The following FHIP1A variants were observed in gnomAD, a reference collection of about 807,000 sequenced individuals.
FHIP1A encodes the protein FHF complex subunit HOOK interacting protein 1A.
Under a neutral mutation model 88.6 loss-of-function variants are expected in FHIP1A, and 61 were observed. The ratio of observed to expected loss-of-function variants is 0.69; its 90% confidence interval spans 0.56 to 0.85. The LOEUF (loss-of-function observed/expected upper bound fraction) is 0.85, where lower values mean the gene tolerates loss of function less well. Among genes scored for constraint, FHIP1A ranks in the 40% least tolerant of loss-of-function variants. The probability of loss-of-function intolerance (pLI) is 0.00; values close to 1 mark genes in which losing one functional copy is unlikely to be tolerated. For synonymous variants in FHIP1A, 478 were observed against 496.0 expected (o/e 0.96, Z 0.48); for missense variants, 1,154 against 1,273.5 (o/e 0.91, Z 1.43).
chr4:151,470,385 C>G (rs1478635319), intron 2 of FHIP1A, among the ~76,000 whole-genome samples: 1 of 152,196 alleles, frequency 6.6e-6, no homozygotes, highest in African/African-American at 2.4e-5. Context: ...AATATTCGTG[C>G]TTAGAAAACT....
intron 3 of FHIP1A, among the ~76,000 whole-genome samples, chr4:151,546,874 T>G (rs1006916867): frequency 6.6e-6 from 1 of 152,216 alleles, no homozygotes; most frequent in Non-Finnish European, 1.5e-5. Context: ...TCTTGTTTCT[T>G]CAGGTGGGCT....
At chr4:151,580,784 CAT>C (rs1261185618) in intron 5 of FHIP1A, among the ~76,000 whole-genome samples, 3 of 152,034 alleles carry the variant, frequency 2.0e-5, no homozygotes, top group South Asian at 2.1e-4. Flanking sequence ...GTGTATGAAT[CAT>C]GTGTATTATC....
At chr4:151,463,930 A>T (rs1232077481) in intron 2 of FHIP1A, among the ~76,000 whole-genome samples, 1 of 152,202 alleles carries the variant, frequency 6.6e-6, no homozygotes, top group African/African-American at 2.4e-5. Context: ...AAGCTCCTAT[A>T]TATGATATCC....
intron 3 of FHIP1A, among the ~76,000 whole-genome samples, chr4:151,526,844 A>G (rs1731680174): frequency 6.9e-6 from 1 of 144,782 alleles, no homozygotes. Context: ...CTCACCTCTC[A>G]GATGGGGCGG....
At chr4:151,534,754 A>G (rs1722279884) in intron 3 of FHIP1A, 1 of 152,220 alleles carries the variant, frequency 6.6e-6, no homozygotes, top group South Asian at 2.1e-4. Context: ...AGCATTAGTG[A>G]GCATGGAGAA....
intron 2 of FHIP1A, among the ~76,000 whole-genome samples, chr4:151,467,699 A>G (rs753018276): frequency 3.3e-5 from 5 of 152,134 alleles, no homozygotes; most frequent in African/African-American, 4.8e-5. Context: ...TGAAGCTGGA[A>G]GCCATCATCC....
At chr4:151,415,061 T>G (rs916607130) in intron 1 of FHIP1A, among the ~76,000 whole-genome samples, 5 of 152,206 alleles carry the variant, frequency 3.3e-5, no homozygotes, top group Admixed American at 1.3e-4. Context: ...TTCAACTTGG[T>G]TTTTATTTTT....
chr4:151,505,547 TGC>T (rs537083828), intron 3 of FHIP1A, among the ~76,000 whole-genome samples: 2 of 152,370 alleles, frequency 1.3e-5, no homozygotes, highest in African/African-American at 4.8e-5. Context: ...GACAGCAATC[TGC>T]CACTCAGATG....
chr4:151,587,156 G>T (rs1734249314), intron 6 of FHIP1A, among the ~76,000 whole-genome samples: 1 of 152,062 alleles, frequency 6.6e-6, no homozygotes, highest in Non-Finnish European at 1.5e-5. Flanking sequence ...GTCTTCTTGG[G>T]AATTTACAAA....
intron 3 of FHIP1A, among the ~76,000 whole-genome samples, chr4:151,558,485 A>T (rs993455979): frequency 1.3e-4 from 20 of 152,156 alleles, no homozygotes; most frequent in Non-Finnish European, 5.9e-5. Flanking sequence ...CAGTGAACCG[A>T]GATGCGTCAC....
intron 3 of FHIP1A, among the ~76,000 whole-genome samples, chr4:151,506,624 TAA>T (rs1730846981): frequency 6.6e-6 from 1 of 152,110 alleles, no homozygotes. Flanking sequence ...GGGCTTTTTT[TAA>T]CAGTCAGTTC....
chr4:151,504,609 C>T (rs62327236), intron 3 of FHIP1A, among the ~76,000 whole-genome samples: 18,585 of 56,394 alleles, frequency 0.33, 1,250 homozygotes, highest in African/African-American at 0.48. Flanking sequence ...TATGTTATGT[C>T]ATGTTATGTT....
At chr4:151,607,187 C>T (rs1304627828) in intron 7 of FHIP1A, among the ~76,000 whole-genome samples, 2 of 152,160 alleles carry the variant, frequency 1.3e-5, no homozygotes, top group Non-Finnish European at 2.9e-5. Context: ...GGAGCCCAAG[C>T]AATCATTCTG....
chr4:151,424,807 T>TAA (rs10714490), intron 1 of FHIP1A, among the ~76,000 whole-genome samples: 58 of 142,756 alleles, frequency 4.1e-4, no homozygotes, highest in African/African-American at 1.4e-3. Context: ...ATCTTTCCTG[T>TAA]AAAAAAAAAA....
intron 7 of FHIP1A, among the ~76,000 whole-genome samples, chr4:151,606,047 C>T (rs1735060863): frequency 6.6e-6 from 1 of 152,158 alleles, no homozygotes; most frequent in African/African-American, 2.4e-5. Flanking sequence ...TAATTGGGTG[C>T]TGAGTTTGCA....
chr4:151,664,683 A>C lies in FHIP1A; in HGVS notation c.*1929A>C, dbSNP rs1220218042. On this transcript the variant is annotated 3_prime_UTR_variant, in exon 14 of 14. Coordinates refer to ENST00000435205, the MANE Select transcript of FHIP1A (RefSeq NM_001109977.3). ...GATAGAGAAAGAGGAACAGTTGAAG[A>C]TGGAAGTTCGGCTGTAATTTATTAT... is the stretch of plus-strand genomic sequence containing the variant. Among the ~76,000 whole-genome samples the C allele has an allele frequency of 2.0e-5, 3 of 152,228 alleles. No homozygotes were observed. The highest frequency in any genetic ancestry group is 7.2e-5 in the African/African-American group (3 of 41,470).
At chr4:151,543,678 CT>C (rs1245449420) in intron 3 of FHIP1A, among the ~76,000 whole-genome samples, 2 of 152,060 alleles carry the variant, frequency 1.3e-5, no homozygotes, top group African/African-American at 2.4e-5. Flanking sequence ...TTGCATCTTG[CT>C]TTTTTTGCTT....
intron 3 of FHIP1A, among the ~76,000 whole-genome samples, chr4:151,562,425 C>A (rs930386662): frequency 6.6e-6 from 1 of 152,174 alleles, no homozygotes; most frequent in Admixed American, 6.6e-5. Flanking sequence ...CACCTTTCTT[C>A]TGCTCCTTTT....
intron 3 of FHIP1A, among the ~76,000 whole-genome samples, chr4:151,512,415 A>ATTT (rs1731073139): frequency 6.6e-6 from 1 of 152,078 alleles, no homozygotes; most frequent in Non-Finnish European, 1.5e-5. Context: ...CCAAAGGAAC[A>ATTT]CAGCTCCTCA....
Sources: gnomAD v4.1 joint callset for allele counts (sites outside exome capture counted in the v4.1 genomes callset) on GRCh38, gnomAD v4.1.1 for gene constraint, MANE v1.5 for transcripts, NCBI Gene and HGNC (gene_info 2026-07-23, HGNC 2026-07-21) for gene names.